The following GPHN variants were observed in gnomAD, a reference collection of about 807,000 sequenced individuals.
The protein encoded by GPHN is gephyrin.
A neutral mutation model predicts 95.5 loss-of-function variants in GPHN; 17 were observed. The ratio of observed to expected loss-of-function variants is 0.18; its 90% confidence interval spans 0.12 to 0.27. The LOEUF is 0.27. Among genes scored for constraint, GPHN ranks in the 10% least tolerant of loss-of-function variants. The pLI, the probability that GPHN is intolerant of heterozygous loss-of-function variation, is 1.00. For missense variants in GPHN, 660 were observed against 978.1 expected, an observed-to-expected ratio of 0.67 and a Z score of 4.34; for synonymous variants, 320 against 322.5, an observed-to-expected ratio of 0.99 and a Z score of 0.08.
chr14:66,844,529 T>TATCC (rs2153511027), intron 4 of GPHN, among the ~76,000 whole-genome samples: 1 of 152,192 alleles, frequency 6.6e-6, no homozygotes, highest in East Asian at 1.9e-4. Flanking sequence ...GTGCTCGAAG[T>TATCC]GTGGAAAATG....
chr14:67,359,142 G>A, the GPHN span, among the ~76,000 whole-genome samples: 1 of 152,142 alleles, frequency 6.6e-6, no homozygotes, highest in Non-Finnish European at 1.5e-5. Context: ...AATGAGTAAG[G>A]GGATCCAAGA....
chr14:67,304,594 T>C, the GPHN span, among the ~76,000 whole-genome samples: 4 of 152,286 alleles, frequency 2.6e-5, no homozygotes, highest in South Asian at 2.1e-4. Context: ...GGTAAATCCA[T>C]AGGAGAGAAA....
At chr14:67,350,295 G>T in the GPHN span, among the ~76,000 whole-genome samples, 1 of 151,380 alleles carries the variant, frequency 6.6e-6, no homozygotes, top group African/African-American at 2.4e-5. Context: ...CAAATACCCA[G>T]CATTAGGAGA....
intron 16 of GPHN, among the ~76,000 whole-genome samples, chr14:67,121,253 C>T (rs1049170258): frequency 6.6e-6 from 1 of 152,038 alleles, no homozygotes; most frequent in Non-Finnish European, 1.5e-5. Flanking sequence ...TGAAGGACCC[C>T]CTACTCTTAG....
chr14:67,329,835 AAAATAAATAAATAAATAAATAAAT>A, the GPHN span, among the ~76,000 whole-genome samples: 2 of 96,956 alleles, frequency 2.1e-5, no homozygotes, highest in Non-Finnish European at 1.7e-5. Context: ...CTTGGTCTCA[AAAATAAATAAATAAATAAATAAAT>A]AAATAAATAA....
At chr14:66,836,684 A>G (rs2061834533) in intron 4 of GPHN, among the ~76,000 whole-genome samples, 1 of 146,972 alleles carries the variant, frequency 6.8e-6, no homozygotes, top group East Asian at 2.0e-4. Context: ...AAATTTTCGC[A>G]ACCTACTCAT....
chr14:67,051,004 AC>A (rs111421486), intron 10 of GPHN, among the ~76,000 whole-genome samples: 7,238 of 147,784 alleles, frequency 0.049, 197 homozygotes, highest in Middle Eastern at 0.068. Context: ...AGTCCACACC[AC>A]CCAGGCCTTG....
chr14:67,558,487 T>C, the GPHN span, among the ~76,000 whole-genome samples: 1 of 152,216 alleles, frequency 6.6e-6, no homozygotes, highest in South Asian at 2.1e-4. Context: ...AATTCTTCCA[T>C]TGATTTTAGA....
the GPHN span, chr14:67,393,246 A>G: frequency 6.2e-7 from 1 of 1,609,018 alleles, no homozygotes; most frequent in East Asian, 2.2e-5. Context: ...ATGCGACTAC[A>G]TGGAAGGGAA....
At chr14:67,324,896 C>CTTTTTTT in the GPHN span, among the ~76,000 whole-genome samples, 1 of 114,454 alleles carries the variant, frequency 8.7e-6, no homozygotes, top group African/African-American at 4.0e-5. Flanking sequence ...GCCTTCCTTT[C>CTTTTTTT]ATTTTTTTTT....
At chr14:67,225,972 CGCGT>C in the GPHN span, among the ~76,000 whole-genome samples, 17 of 107,322 alleles carry the variant, frequency 1.6e-4, no homozygotes, top group Admixed American at 1.0e-3. Context: ...TGCGCGCGCG[CGCGT>C]GCGCATGCGC....
intron 1 of GPHN, among the ~76,000 whole-genome samples, chr14:66,587,484 C>T (rs1037927574): frequency 5.9e-5 from 9 of 152,122 alleles, no homozygotes; most frequent in Non-Finnish European, 8.8e-5. Context: ...CAATAAAATA[C>T]TAGCAAATTA....
chr14:67,489,483 G>T, the GPHN span, among the ~76,000 whole-genome samples: 1 of 152,186 alleles, frequency 6.6e-6, no homozygotes, highest in Non-Finnish European at 1.5e-5. Context: ...AGACGCTGCT[G>T]GGAGCGTGAA....
chr14:67,675,403 G>T, the GPHN span, among the ~76,000 whole-genome samples: 1 of 152,084 alleles, frequency 6.6e-6, no homozygotes, highest in African/African-American at 2.4e-5. Flanking sequence ...ACCCCCGGAG[G>T]CTGAGGTCCC....
the GPHN span, among the ~76,000 whole-genome samples, chr14:67,245,629 C>T: frequency 5.9e-5 from 9 of 152,074 alleles, no homozygotes; most frequent in East Asian, 1.2e-3. Context: ...TGGGATAACA[C>T]GCATGAGCCG....
intron 1 of GPHN, among the ~76,000 whole-genome samples, chr14:66,625,965 T>C (rs1022149075): frequency 6.6e-6 from 1 of 152,208 alleles, no homozygotes; most frequent in Non-Finnish European, 1.5e-5. Context: ...TACTCATAAA[T>C]GTCACTATCA....
rs557261097 is a variant in GPHN at position 66,706,609 on chromosome 14, C to G, written c.143+25424C>G. Among the ~76,000 whole-genome samples the G allele has an allele frequency of 8.5e-5, 13 of 152,192 alleles. No individual in the cohort carries two copies. In the East Asian group the frequency reaches 2.3e-3, roughly 27 times the overall value. Reference sequence around the variant, plus strand: ...TGGTGCTAGGAGAACTGGGTAGCCACATGCAGAAAACTGAAACTCGACCCT... The same window carrying G: ...TGGTGCTAGGAGAACTGGGTAGCCAGATGCAGAAAACTGAAACTCGACCCT... On this transcript the variant is annotated intron_variant, in intron 2 of 22. Coordinates refer to ENST00000478722, the MANE Select transcript of GPHN (RefSeq NM_020806.5).
the GPHN span, among the ~76,000 whole-genome samples, chr14:67,711,941 C>T: frequency 0.15 from 22,921 of 151,480 alleles, 1,739 homozygotes; most frequent in East Asian, 0.21. Context: ...TTTTTTGAGA[C>T]GGAGTTTTGC....
the GPHN span, among the ~76,000 whole-genome samples, chr14:67,480,233 C>T: frequency 9.6e-3 from 1,463 of 152,252 alleles, 12 homozygotes; most frequent in Middle Eastern, 0.017. Flanking sequence ...CCCCTGCTCT[C>T]GGCAGCCTCC....
Sources: gnomAD v4.1 joint callset for allele counts (sites outside exome capture counted in the v4.1 genomes callset) on GRCh38, gnomAD v4.1.1 for gene constraint, MANE v1.5 for transcripts, NCBI Gene and HGNC (gene_info 2026-07-23, HGNC 2026-07-21) for gene names.